Variants in GRM8 observed in about 807,000 individuals in gnomAD.
The protein encoded by GRM8 is metabotropic glutamate receptor 8.
Under a neutral mutation model 87.2 loss-of-function variants are expected in GRM8, and 47 were observed. The observed-to-expected ratio is 0.54, with a 90% CI of 0.43 to 0.69. GRM8 has a LOEUF of 0.69. Ranked by LOEUF, GRM8 falls within the 30% of genes least tolerant of loss-of-function variation. The pLI is 0.00. For missense variants in GRM8, 1,019 were observed against 1,139.2 expected (o/e 0.89, Z 1.52); for synonymous variants, 396 against 404.5 (o/e 0.98, Z 0.25).
chr7:126,463,568 T>C (rs1407949735), intron 9 of GRM8, among the ~76,000 whole-genome samples: 5 of 151,658 alleles, frequency 3.3e-5, no homozygotes, highest in East Asian at 1.9e-4. Flanking sequence ...GACCTCGGTC[T>C]TTGGTTAGGG....
At chr7:126,788,567 T>C (rs1349542404) in intron 6 of GRM8, among the ~76,000 whole-genome samples, 1 of 152,030 alleles carries the variant, frequency 6.6e-6, no homozygotes. Context: ...CCCTAGAATG[T>C]GATTCTTCCC....
intron 6 of GRM8, among the ~76,000 whole-genome samples, chr7:126,826,375 G>T (rs1437565695): frequency 1.3e-5 from 2 of 152,116 alleles, no homozygotes; most frequent in African/African-American, 4.8e-5. Flanking sequence ...ATCCTCTCCA[G>T]CACCTGTTGT....
intron 2 of GRM8, among the ~76,000 whole-genome samples, chr7:127,198,028 T>G (rs1795384307): frequency 6.6e-6 from 1 of 152,216 alleles, no homozygotes; most frequent in African/African-American, 2.4e-5. Flanking sequence ...CTAATGAGGT[T>G]GTCTTTGATT....
intron 2 of GRM8, among the ~76,000 whole-genome samples, chr7:127,135,058 A>T (rs1359985098): frequency 1.3e-5 from 2 of 152,154 alleles, no homozygotes; most frequent in Non-Finnish European, 1.5e-5. Flanking sequence ...TAAAAATATG[A>T]CTACCTGTCT....
chr7:127,014,815 CAACTT>C (rs1306309177), intron 3 of GRM8, among the ~76,000 whole-genome samples: 1 of 151,468 alleles, frequency 6.6e-6, no homozygotes, highest in Non-Finnish European at 1.5e-5. Context: ...CTTAGAGTGT[CAACTT>C]CAACTTAAGT....
chr7:126,675,058 C>G (rs2896374), intron 7 of GRM8, among the ~76,000 whole-genome samples: 2 of 151,990 alleles, frequency 1.3e-5, no homozygotes, highest in African/African-American at 4.8e-5. Context: ...AATTCTAACC[C>G]TAAATGTAAT....
intron 7 of GRM8, among the ~76,000 whole-genome samples, chr7:126,721,669 CCT>C (rs1021533279): frequency 1.3e-5 from 2 of 152,000 alleles, no homozygotes; most frequent in African/African-American, 4.8e-5. Context: ...CTCCTGCACT[CCT>C]CTGATTGTTG....
chr7:127,061,620 C>A (rs1004357386), intron 3 of GRM8, among the ~76,000 whole-genome samples: 2 of 152,158 alleles, frequency 1.3e-5, no homozygotes, highest in African/African-American at 4.8e-5. Context: ...CCTTCCTCCC[C>A]CTGCTGATGC....
chr7:127,110,952 C>T (rs1287966173), intron 2 of GRM8: 1 of 152,166 alleles, frequency 6.6e-6, no homozygotes, highest in Non-Finnish European at 1.5e-5. Flanking sequence ...TGCTGGGCCT[C>T]AATTCTTGGA....
intron 6 of GRM8, among the ~76,000 whole-genome samples, chr7:126,887,081 C>T (rs939403420): frequency 6.6e-6 from 1 of 152,006 alleles, no homozygotes; most frequent in Non-Finnish European, 1.5e-5. Flanking sequence ...AGGAAGTTTT[C>T]ATTCTGGAAT....
chr7:126,874,044 G>A (rs1799331331), intron 6 of GRM8, among the ~76,000 whole-genome samples: 1 of 152,008 alleles, frequency 6.6e-6, no homozygotes, highest in Non-Finnish European at 1.5e-5. Flanking sequence ...TTCTGAAGAA[G>A]TGTTAGTCAC....
intron 7 of GRM8, among the ~76,000 whole-genome samples, chr7:126,750,526 C>T (rs532656799): frequency 3.3e-5 from 5 of 152,132 alleles, no homozygotes; most frequent in Admixed American, 2.6e-4. Flanking sequence ...TGGAAAGAAC[C>T]TTAATGTCCA....
intron 6 of GRM8, among the ~76,000 whole-genome samples, chr7:126,866,896 C>A (rs1020142739): frequency 1.7e-4 from 26 of 151,900 alleles, no homozygotes; most frequent in Admixed American, 1.6e-3. Context: ...TGCCTTGACT[C>A]AATTTTTATA....
At chr7:126,448,957 T>C (rs926336551) in intron 9 of GRM8, among the ~76,000 whole-genome samples, 1 of 151,674 alleles carries the variant, frequency 6.6e-6, no homozygotes, top group African/African-American at 2.4e-5. Flanking sequence ...ACATGGGTGA[T>C]AAAAATAATC....
chr7:127,027,483 C>T (rs900047934), intron 3 of GRM8, among the ~76,000 whole-genome samples: 8 of 152,116 alleles, frequency 5.3e-5, no homozygotes, highest in Admixed American at 4.6e-4. Context: ...AATGTTCTTC[C>T]ATTTGTTTGT....
chr7:127,117,622 T>C (rs916552505), intron 2 of GRM8, among the ~76,000 whole-genome samples: 16 of 152,200 alleles, frequency 1.1e-4, no homozygotes, highest in African/African-American at 3.9e-4. Flanking sequence ...ATAAATTACA[T>C]TGTGTTATAA....
intron 7 of GRM8, among the ~76,000 whole-genome samples, chr7:126,742,365 G>A (rs999856856): frequency 1.3e-4 from 19 of 151,990 alleles, no homozygotes; most frequent in African/African-American, 4.6e-4. Context: ...AAAGGCAAGG[G>A]AAAAGGCAGC....
chr7:127,193,043 A>G (rs977776792), intron 2 of GRM8, among the ~76,000 whole-genome samples: 1 of 152,204 alleles, frequency 6.6e-6, no homozygotes, highest in African/African-American at 2.4e-5. Context: ...TCTACTGTCC[A>G]TATAGCTACC....
chr7:126,519,336 A>G (rs1812640860), intron 9 of GRM8, among the ~76,000 whole-genome samples: 2 of 152,124 alleles, frequency 1.3e-5, no homozygotes. Flanking sequence ...AGTTGATTTC[A>G]TAAGAAAATT....
Sources: gnomAD v4.1 joint callset for allele counts (sites outside exome capture counted in the v4.1 genomes callset) on GRCh38, gnomAD v4.1.1 for gene constraint, MANE v1.5 for transcripts, NCBI Gene and HGNC (gene_info 2026-07-23, HGNC 2026-07-21) for gene names.